Variants in TSNARE1 observed in about 807,000 individuals in gnomAD.
The protein encoded by TSNARE1 is t-SNARE domain-containing protein 1.
TSNARE1 carries 49 observed loss-of-function variants against 62.0 expected under a neutral mutation model. That is an observed-to-expected ratio of 0.79 (90% CI 0.63 to 1.00). The LOEUF (loss-of-function observed/expected upper bound fraction) is 1.00, where lower values mean the gene tolerates loss of function less well. Among genes scored for constraint, TSNARE1 ranks in the 50% least tolerant of loss-of-function variants. The pLI, the probability that TSNARE1 is intolerant of heterozygous loss-of-function variation, is 0.00. For missense variants in TSNARE1, 755 were observed against 700.1 expected, an observed-to-expected ratio of 1.08 and a Z score of -0.88; for synonymous variants, 328 against 294.4, an observed-to-expected ratio of 1.11 and a Z score of -1.17.
At chr8:142,281,347 G>A (rs1162068271) in intron 11 of TSNARE1, among the ~76,000 whole-genome samples, 1 of 152,114 alleles carries the variant, frequency 6.6e-6, no homozygotes, top group Non-Finnish European at 1.5e-5. Context: ...TATAGACAGG[G>A]CGGGATGAAT....
intron 1 of TSNARE1, among the ~76,000 whole-genome samples, chr8:142,395,770 G>A (rs1837852547): frequency 6.6e-6 from 1 of 152,212 alleles, no homozygotes; most frequent in African/African-American, 2.4e-5. Flanking sequence ...GCAGCAGCGG[G>A]AAGGAGGTCA....
chr8:142,401,340 G>A (rs1034263587), intron 1 of TSNARE1, among the ~76,000 whole-genome samples: 12 of 152,140 alleles, frequency 7.9e-5, no homozygotes, highest in Non-Finnish European at 5.9e-5. Flanking sequence ...ACAAACACGG[G>A]AGTGCCAGGG....
intron 2 of TSNARE1, among the ~76,000 whole-genome samples, chr8:142,352,689 G>A (rs924781392): frequency 3.9e-5 from 6 of 152,068 alleles, no homozygotes; most frequent in Non-Finnish European, 8.8e-5. Flanking sequence ...AACGCAAATC[G>A]TCTGAGCCCA....
At chr8:142,315,816 T>C (rs1167306676) in intron 7 of TSNARE1, among the ~76,000 whole-genome samples, 1 of 152,034 alleles carries the variant, frequency 6.6e-6, no homozygotes, top group Non-Finnish European at 1.5e-5. Flanking sequence ...TGGTCTGGGG[T>C]AAACCTCTGA....
intron 10 of TSNARE1, among the ~76,000 whole-genome samples, chr8:142,286,414 AC>A (rs1250813287): frequency 6.6e-6 from 1 of 152,198 alleles, no homozygotes; most frequent in African/African-American, 2.4e-5. Context: ...TCTTAAACTG[AC>A]ACGTAGTATC....
intron 13 of TSNARE1, among the ~76,000 whole-genome samples, chr8:142,228,410 T>C (rs931938841): frequency 6.6e-6 from 1 of 152,152 alleles, no homozygotes; most frequent in African/African-American, 2.4e-5. Context: ...ACAGCCATGC[T>C]CCAGTGCCAG....
chr8:142,276,130 C>T, intron 11 of TSNARE1: 2 of 985,444 alleles, frequency 2.0e-6, no homozygotes, highest in Non-Finnish European at 2.4e-6. Flanking sequence ...ATCGCCGCAT[C>T]TGGGGGCTCC....
chr8:142,289,136 C>T (rs1168135368), intron 10 of TSNARE1, among the ~76,000 whole-genome samples: 1 of 152,232 alleles, frequency 6.6e-6, no homozygotes, highest in Non-Finnish European at 1.5e-5. Flanking sequence ...CCAGCCCACT[C>T]GGAGGCACCC....
At chr8:142,328,534 G>C (rs983610034) in intron 6 of TSNARE1, among the ~76,000 whole-genome samples, 3 of 152,210 alleles carry the variant, frequency 2.0e-5, no homozygotes, top group Non-Finnish European at 2.9e-5. Context: ...CGTGGCAGGA[G>C]TGCTAACAGG....
chr8:142,314,433 G>A lies in TSNARE1; in HGVS notation c.1082C>T (p.Ala361Val). 2 of 1,613,906 alleles carry A rather than the reference G, an allele frequency of 1.2e-6. No homozygotes were observed. The highest frequency in any genetic ancestry group is 2.2e-5 in the South Asian group (2 of 91,004). ...QCYGVVQKKIAEKSRALLPMA... is the reference protein window; with the variant it reads ...QCYGVVQKKIVEKSRALLPMA... ...GGGAAGCAGCGCTCTGGACTTTTCT[G>A]CAATTTTCTGTTGAAAAAAGGACAA... is the stretch of plus-strand genomic sequence containing the variant. Residue 361 changes from alanine to valine, a missense_variant, in exon 9 of 14, where the codon GCA (alanine) becomes GTA (valine). By Grantham distance (64) the Ala-to-Val change is moderately conservative (BLOSUM62 0). Coordinates refer to ENST00000524325, the MANE Select transcript of TSNARE1 (RefSeq NM_145003.5).
intron 12 of TSNARE1, among the ~76,000 whole-genome samples, chr8:142,241,748 T>C (rs7822538): frequency 0.55 from 83,552 of 152,024 alleles, 24,441 homozygotes; most frequent in African/African-American, 0.75. Flanking sequence ...CAATACGTCA[T>C]GGGGATATGA....
rs149729709 is a variant in TSNARE1, at chr8:142,239,716, C to G, written c.1447-10137G>C. Among the ~76,000 whole-genome samples the G allele has an allele frequency of 3.8e-3, 583 of 152,274 alleles. 3 individuals carry two copies. Among genetic ancestry groups the G allele is most frequent in the African/African-American group, 0.014 (565 of 41,538 alleles). The stretch of plus-strand genomic sequence containing the variant: ...CGAGTGGGGCCTGTGATTAGCGAGT[C>G]ACGTTAAATACGTGGTTAGCGCCAA... On this transcript the variant is annotated intron_variant, in intron 12 of 13. Coordinates refer to ENST00000524325, the MANE Select transcript of TSNARE1 (RefSeq NM_145003.5).
intron 1 of TSNARE1, among the ~76,000 whole-genome samples, chr8:142,376,227 C>T (rs937114371): frequency 2.0e-5 from 3 of 152,132 alleles, no homozygotes; most frequent in African/African-American, 4.8e-5. Flanking sequence ...GTGTGTCTCA[C>T]GCAGTGAGAC....
At chr8:142,394,902 A>G (rs1006074477) in intron 1 of TSNARE1, among the ~76,000 whole-genome samples, 3 of 152,118 alleles carry the variant, frequency 2.0e-5, no homozygotes. Context: ...GAGGTGCGCT[A>G]AGGGTGCAGG....
At chr8:142,406,764 T>C (rs1242056438), upstream of TSNARE1, 1 of 152,106 alleles carries the variant, frequency 6.6e-6, no homozygotes, top group Middle Eastern at 3.2e-3. Context: ...ACCAAGGGCA[T>C]GGGGTGTGTG....
intron 13 of TSNARE1, among the ~76,000 whole-genome samples, chr8:142,222,941 CACT>C: frequency 6.6e-6 from 1 of 152,056 alleles, no homozygotes; most frequent in African/African-American, 2.4e-5. Flanking sequence ...TCCACTCATT[CACT>C]CACTCATCCA....
chr8:142,376,790 T>C (rs1232238113), intron 1 of TSNARE1, among the ~76,000 whole-genome samples: 1 of 152,084 alleles, frequency 6.6e-6, no homozygotes, highest in African/African-American at 2.4e-5. Context: ...ACCCGGGGCC[T>C]GGAGTGCCAG....
At chr8:142,309,618 A>C (rs1380921710) in intron 9 of TSNARE1, among the ~76,000 whole-genome samples, 1 of 152,208 alleles carries the variant, frequency 6.6e-6, no homozygotes, top group African/African-American at 2.4e-5. Flanking sequence ...CTTTATAATG[A>C]TGGATCATCC....
intron 8 of TSNARE1, 103 bp from the exon 9 acceptor site, chr8:142,314,543 C>T: frequency 2.1e-6 from 2 of 941,908 alleles, no homozygotes; most frequent in Non-Finnish European, 1.6e-6. Flanking sequence ...GACGGTGCAG[C>T]AAAACACGCC....
Sources: gnomAD v4.1 joint callset for allele counts (sites outside exome capture counted in the v4.1 genomes callset) on GRCh38, gnomAD v4.1.1 for gene constraint, MANE v1.5 for transcripts, NCBI Gene and HGNC (gene_info 2026-07-23, HGNC 2026-07-21) for gene names.